COL14A1: variants seen among roughly 807,000 people sequenced by gnomAD.
COL14A1 encodes the protein collagen alpha-1(XIV) chain.
COL14A1 carries 136 observed loss-of-function variants against 230.3 expected under a neutral mutation model. The ratio of observed to expected loss-of-function variants is 0.59; its 90% CI spans 0.51 to 0.68. The LOEUF (loss-of-function observed/expected upper bound fraction) is 0.68. COL14A1 is among the 30% of genes least tolerant of loss of function. The pLI is 0.00. For synonymous variants in COL14A1, 792 were observed against 784.1 expected, an observed-to-expected ratio of 1.01 and a Z score of -0.17; for missense variants, 1,976 against 2,215.8, an observed-to-expected ratio of 0.89 and a Z score of 2.17.
chr8:120,180,611 G>C (rs1295175511), intron 5 of COL14A1, among the ~76,000 whole-genome samples: 1 of 151,342 alleles, frequency 6.6e-6, no homozygotes, highest in Non-Finnish European at 1.5e-5. Context: ...TCTTGGTAGG[G>C]TTCCTACAAT....
intron 1 of COL14A1, among the ~76,000 whole-genome samples, chr8:120,127,507 A>G (rs1257152615): frequency 6.6e-6 from 1 of 152,196 alleles, no homozygotes; most frequent in Non-Finnish European, 1.5e-5. Context: ...CGAACCGTCC[A>G]GCTGAGGATT....
chr8:120,225,132 A>G lies in COL14A1; in HGVS notation c.1782A>G (p.Thr594=). Residue 594 remains threonine (T), a synonymous_variant, in exon 15 of 48, where the codon ACA becomes ACG. Coordinates refer to ENST00000297848, the MANE Select transcript of COL14A1 (RefSeq NM_021110.4). ...CTACCTTCCCTCTGAAGGGCTTGAC[A>G]CCTCTCACAGAGTATACTATTGCTA... The part of the protein sequence containing the change: ...PITTFPLKGL[T]PLTEYTIAIF... 1.2e-6 allele frequency: 2 copies of G among 1,612,734 alleles called. No individual in the cohort carries two copies.
chr8:120,274,020 A>G (rs1366561924), intron 26 of COL14A1, among the ~76,000 whole-genome samples: 1 of 151,828 alleles, frequency 6.6e-6, no homozygotes, highest in Non-Finnish European at 1.5e-5. Context: ...AGTAGAGGAC[A>G]TAATGAAAAA....
chr8:120,182,129 T>A (rs1189954641), intron 5 of COL14A1, among the ~76,000 whole-genome samples: 1 of 152,218 alleles, frequency 6.6e-6, no homozygotes, highest in African/African-American at 2.4e-5. Context: ...TATTCTCAAC[T>A]TGTGAATTCT....
At chr8:120,165,432 C>G (rs1162333648) in intron 4 of COL14A1, among the ~76,000 whole-genome samples, 2 of 152,186 alleles carry the variant, frequency 1.3e-5, no homozygotes, top group Admixed American at 6.5e-5. Context: ...ATTATGATTC[C>G]AAATTTGCCA....
chr8:120,348,801 A>G (rs902220975), intron 45 of COL14A1, among the ~76,000 whole-genome samples: 6 of 152,238 alleles, frequency 3.9e-5, no homozygotes, highest in Non-Finnish European at 7.3e-5. Context: ...ACAGTAAAAA[A>G]TACATTTGAC....
intron 5 of COL14A1, among the ~76,000 whole-genome samples, chr8:120,178,093 T>G (rs1391468044): frequency 6.6e-6 from 1 of 152,162 alleles, no homozygotes; most frequent in Non-Finnish European, 1.5e-5. Context: ...TGTTTGTTTG[T>G]TTTTAATTTA....
intron 2 of COL14A1, among the ~76,000 whole-genome samples, chr8:120,152,354 T>C (rs1280776535): frequency 2.7e-5 from 4 of 149,854 alleles, no homozygotes; most frequent in Middle Eastern, 3.2e-3. Context: ...TCTGTAGTCC[T>C]AGCTACTAGG....
chr8:120,236,216 G>A (rs1818438792), intron 19 of COL14A1, among the ~76,000 whole-genome samples: 2 of 152,132 alleles, frequency 1.3e-5, no homozygotes, highest in Non-Finnish European at 2.9e-5. Context: ...ACAGTGGGGT[G>A]TTAAAGTTTC....
chr8:120,281,038 C>T lies in COL14A1; in HGVS notation c.3803C>T (p.Ala1268Val). 6.2e-7 allele frequency: 1 copy of T among 1,609,636 alleles called. No homozygotes were observed. Reference protein sequence around the residue: ...VFPCYQLHKDALVSQPTRYLH... With the variant: ...VFPCYQLHKDVLVSQPTRYLH... Reference sequence around the variant, plus strand: ...CCATGTTACCAACTCCATAAAGATGCCCTGGTTTCCCAGCCAACCAGGTAT... The same window carrying T: ...CCATGTTACCAACTCCATAAAGATGTCCTGGTTTCCCAGCCAACCAGGTAT... Residue 1268 changes from alanine to valine, a missense_variant, in exon 31 of 48, where the codon GCC (alanine) becomes GTC (valine). Transcript: ENST00000297848.
intron 45 of COL14A1, among the ~76,000 whole-genome samples, chr8:120,365,722 G>A (rs1321718587): frequency 6.6e-6 from 1 of 152,178 alleles, no homozygotes; most frequent in Non-Finnish European, 1.5e-5. Context: ...GCTCCTAAGA[G>A]AAGAACCAGG....
chr8:120,230,826 G>C (rs1818243778), intron 18 of COL14A1, among the ~76,000 whole-genome samples: 1 of 152,176 alleles, frequency 6.6e-6, no homozygotes, highest in Non-Finnish European at 1.5e-5. Context: ...AATGAAGTTA[G>C]GGTAGAAGAG....
intron 19 of COL14A1, among the ~76,000 whole-genome samples, chr8:120,239,360 CATT>C (rs1818547739): frequency 6.6e-6 from 1 of 152,222 alleles, no homozygotes; most frequent in African/African-American, 2.4e-5. Flanking sequence ...TCAAGTATAA[CATT>C]ATCATTCCTT....
At chr8:120,283,817 T>G (rs748599590) in intron 32 of COL14A1, 39 bp downstream of exon 32, 11 of 1,550,210 alleles carry the variant, frequency 7.1e-6, no homozygotes, top group Non-Finnish European at 8.8e-6. Flanking sequence ...CATATACATG[T>G]ATGAGTAATG....
At position 120,372,693 on chromosome 8, in the gene COL14A1, T is replaced by C. The variant is rs1387488679; in HGVS notation, c.*1462T>C. Among the ~76,000 whole-genome samples the C allele has an allele frequency of 6.6e-6, 1 of 152,058 alleles. No homozygotes were observed. The highest frequency in any genetic ancestry group is 1.9e-4 in the East Asian group (1 of 5,180). ...TCACCAGGTTCTCTTTCTGTCCTTC[T>C]CATAATCTCCTGATCTTTGGAGATG... On this transcript the variant is annotated 3_prime_UTR_variant, in exon 48 of 48. Transcript: ENST00000297848.
chr8:120,134,436 A>T (rs2130396228), intron 1 of COL14A1, among the ~76,000 whole-genome samples: 1 of 152,290 alleles, frequency 6.6e-6, no homozygotes, highest in Admixed American at 6.5e-5. Flanking sequence ...ATAAAAGTTA[A>T]AACTTTTTCA....
At chr8:120,185,292 G>A (rs1249487405) in intron 5 of COL14A1, among the ~76,000 whole-genome samples, 2 of 152,162 alleles carry the variant, frequency 1.3e-5, no homozygotes, top group Non-Finnish European at 2.9e-5. Flanking sequence ...ATTCTGTGAG[G>A]ACAACTTCCA....
intron 2 of COL14A1, among the ~76,000 whole-genome samples, chr8:120,149,849 C>G (rs1262926507): frequency 6.6e-6 from 1 of 152,114 alleles, no homozygotes; most frequent in Non-Finnish European, 1.5e-5. Context: ...CATGCGCCAC[C>G]AAGCCCAGCT....
At chr8:120,297,947 A>G (rs756489079) in intron 35 of COL14A1, among the ~76,000 whole-genome samples, 4 of 152,064 alleles carry the variant, frequency 2.6e-5, no homozygotes, top group Non-Finnish European at 4.4e-5. Context: ...CTAAATATTT[A>G]TGTCCTAACA....
Sources: gnomAD v4.1 joint callset for allele counts (sites outside exome capture counted in the v4.1 genomes callset) on GRCh38, gnomAD v4.1.1 for gene constraint, MANE v1.5 for transcripts, NCBI Gene and HGNC (gene_info 2026-07-23, HGNC 2026-07-21) for gene names.